Variants in NPHP4 observed in about 807,000 individuals in gnomAD.
NPHP4 encodes nephrocystin-4.
A neutral mutation model predicts 155.8 loss-of-function variants in NPHP4; 151 were observed. The ratio of observed to expected loss-of-function variants is 0.97; its 90% CI spans 0.85 to 1.11. NPHP4 has a LOEUF of 1.11. NPHP4 is among the 50% of genes least tolerant of loss of function. The pLI is 0.00. For synonymous variants in NPHP4, 845 were observed against 816.8 expected, an observed-to-expected ratio of 1.03 and a Z score of -0.59; for missense variants, 1,956 against 1,925.7, an observed-to-expected ratio of 1.02 and a Z score of -0.29.
chr1:5,867,442 G>A lies in NPHP4; in HGVS notation c.3472+298C>T, dbSNP rs960415741. The A allele has an allele frequency of 1.1e-4, 60 of 547,958 alleles. No individual in the cohort carries two copies. Among genetic ancestry groups the A allele is most frequent in the African/African-American group, 9.8e-4 (52 of 53,170 alleles). 33.9% of individuals were successfully genotyped at this position (547,958 alleles called of 1,614,324 possible). A position where few individuals can be genotyped will look rare whatever the true frequency, so the allele number is the denominator to read the frequency against. ...TAAGGGGCACCTACCAGAAACACGC[G>A]GGCCGTCAGGTGAGGAGGTAGGTGT... On this transcript the variant is annotated intron_variant, in intron 24 of 29. Transcript: ENST00000378156. This position sits in a 1 kb window ranked among gnomAD's most constrained non-coding sequence, Gnocchi z 4.1.
At chr1:5,907,806 T>C (rs945003600) in intron 12 of NPHP4, among the ~76,000 whole-genome samples, 1 of 152,314 alleles carries the variant, frequency 6.6e-6, no homozygotes, top group East Asian at 1.9e-4. Flanking sequence ...GGGGTAATAA[T>C]AGTACCTAAA....
chr1:5,964,942 T>TATATATATATA (rs1553194795), intron 5 of NPHP4, among the ~76,000 whole-genome samples: 3 of 44,502 alleles, frequency 6.7e-5, no homozygotes, highest in African/African-American at 1.2e-4. Context: ...TATATATATA[T>TATATATATATA]TTTTTTTTTT....
intron 6 of NPHP4, 115 bp downstream of exon 6, chr1:5,961,679 T>C: frequency 3.2e-6 from 3 of 937,824 alleles, no homozygotes; most frequent in Non-Finnish European, 5.0e-6. Context: ...GCTGCTGAGC[T>C]GCAGAGGGGC....
intron 6 of NPHP4, among the ~76,000 whole-genome samples, chr1:5,955,117 G>C (rs576321513): frequency 1.3e-5 from 2 of 151,808 alleles, no homozygotes; most frequent in Non-Finnish European, 2.9e-5. Context: ...AATACCTGTA[G>C]GCACAGGAAA....
At chr1:5,914,891 G>C (rs926001453) in intron 11 of NPHP4, among the ~76,000 whole-genome samples, 1 of 152,126 alleles carries the variant, frequency 6.6e-6, no homozygotes, top group Admixed American at 6.5e-5. Context: ...CCTGTGGCCC[G>C]ACTGCCCCAG....
intron 12 of NPHP4, among the ~76,000 whole-genome samples, chr1:5,908,698 C>G (rs1395768852): frequency 6.6e-6 from 1 of 152,242 alleles, no homozygotes; most frequent in Non-Finnish European, 1.5e-5. Context: ...GCTTGTGGTT[C>G]TCAGCAGTGC....
At chr1:5,991,945 G>A (rs555292992) in intron 1 of NPHP4, among the ~76,000 whole-genome samples, 79 of 147,654 alleles carry the variant, frequency 5.4e-4, no homozygotes, top group African/African-American at 1.9e-3. Flanking sequence ...GCAGGGGGCA[G>A]GGGGCAGGGG....
chr1:5,864,821 G>C, intron 27 of NPHP4: 1 of 539,982 alleles, frequency 1.9e-6, no homozygotes, highest in Non-Finnish European at 3.3e-6. Context: ...CTCCCACCCC[G>C]TCTAACTGTG....
intron 6 of NPHP4, among the ~76,000 whole-genome samples, chr1:5,959,471 G>A (rs1649900351): frequency 6.6e-6 from 1 of 152,194 alleles, no homozygotes; most frequent in Middle Eastern, 3.2e-3. Flanking sequence ...AACCAGGCCT[G>A]TCCTCTTGGG....
At chr1:5,907,390 G>A (rs191608487) in intron 12 of NPHP4, among the ~76,000 whole-genome samples, 168 bp from the exon 13 acceptor site, 4 of 152,350 alleles carry the variant, frequency 2.6e-5, no homozygotes, top group East Asian at 1.9e-4. Context: ...ACCTGGGACC[G>A]CTTCTCAAGT....
Position 5,863,195 on chromosome 1 carries a change from G to A in NPHP4, c.*70C>T. The A allele has an allele frequency of 6.5e-7, 1 of 1,536,304 alleles. No individual in the cohort carries two copies. Among genetic ancestry groups the A allele is most frequent in the Non-Finnish European group, 9.0e-7 (1 of 1,114,012 alleles). On this transcript the variant is annotated 3_prime_UTR_variant, in exon 30 of 30. Coordinates refer to ENST00000378156, the MANE Select transcript of NPHP4 (RefSeq NM_015102.5). ...AGGCTGCAGAGAGGCGGGGAGGACA[G>A]CCTGCAGGGCAGGAGGGGCACAGAC...
chr1:5,909,884 C>A (rs1299886228), intron 11 of NPHP4, among the ~76,000 whole-genome samples: 1 of 152,144 alleles, frequency 6.6e-6, no homozygotes, highest in African/African-American at 2.4e-5. Flanking sequence ...CCAGGGCCAC[C>A]TGTACCTGCC....
At chr1:5,943,632 C>G (rs867893089) in intron 9 of NPHP4, among the ~76,000 whole-genome samples, 1 of 152,244 alleles carries the variant, frequency 6.6e-6, no homozygotes, top group Middle Eastern at 3.2e-3. Flanking sequence ...CAGGGAACAA[C>G]AGACAGGCCG....
At chr1:5,972,710 T>C (rs980965895) in intron 3 of NPHP4, among the ~76,000 whole-genome samples, 51 of 152,188 alleles carry the variant, frequency 3.4e-4, no homozygotes, top group African/African-American at 1.2e-3. Context: ...CAGGAGGAGC[T>C]TATTTTTTTC....
At chr1:5,934,028 T>C (rs1646408194) in intron 9 of NPHP4, among the ~76,000 whole-genome samples, 1 of 152,212 alleles carries the variant, frequency 6.6e-6, no homozygotes, top group African/African-American at 2.4e-5. Flanking sequence ...GTTTCACGGC[T>C]TGACTGAGTA....
intron 2 of NPHP4, among the ~76,000 whole-genome samples, chr1:5,980,568 G>A (rs1309587317): frequency 6.6e-6 from 1 of 152,196 alleles, no homozygotes; most frequent in Non-Finnish European, 1.5e-5. Context: ...GGGCGGGAGT[G>A]GAAGCAGGGG....
chr1:5,931,550 A>G (rs997019278), intron 10 of NPHP4, among the ~76,000 whole-genome samples: 1 of 152,018 alleles, frequency 6.6e-6, no homozygotes, highest in African/African-American at 2.4e-5. Flanking sequence ...CCTGGCCAAC[A>G]TGATGAAACC....
At chr1:5,973,116 C>A (rs11586662) in intron 3 of NPHP4, among the ~76,000 whole-genome samples, 26,201 of 152,224 alleles carry the variant, frequency 0.17, 2,360 homozygotes, top group African/African-American at 0.22. Flanking sequence ...AATTCCTGAT[C>A]TCAAGTGATC....
In NPHP4 at chr1:5,933,291, C is replaced by T. The variant is rs761688361; in HGVS notation, c.1158G>A (p.Met386Ile). 9 of 1,613,352 alleles carry T rather than the reference C, an allele frequency of 5.6e-6. No individual in the cohort carries two copies. The change falls in exon 10 of 30, where the codon ATG becomes ATA. Residue 386 changes from methionine (M) to isoleucine (I), a missense_variant. By Grantham distance (10) the Met-to-Ile change is conservative. Coordinates refer to ENST00000378156, the MANE Select transcript of NPHP4 (RefSeq NM_015102.5). Reference protein sequence around the residue: ...SVTSLSNLACMHMVRWAVWNP... With the variant: ...SVTSLSNLACIHMVRWAVWNP... ...TCCAAACAGCCCAGCGGACCATGTG[C>T]ATGCATGCCAGGTTGGACAGAGAGG...
Sources: gnomAD v4.1 joint callset for allele counts (sites outside exome capture counted in the v4.1 genomes callset) on GRCh38, gnomAD v4.1.1 for gene constraint, Gnocchi (gnomAD v3.1) non-coding constraint, MANE v1.5 for transcripts, NCBI Gene and HGNC (gene_info 2026-07-23, HGNC 2026-07-21) for gene names.